Variants in GALNTL6 observed in about 807,000 individuals in gnomAD.
GALNTL6 encodes polypeptide N-acetylgalactosaminyltransferase like 6, also known as polypeptide N-acetylgalactosaminyltransferase-like 6.
Under a neutral mutation model 73.7 loss-of-function variants are expected in GALNTL6, and 46 were observed. The ratio of observed to expected loss-of-function variants is 0.62; its 90% CI spans 0.49 to 0.80. The LOEUF is 0.80. Ranked by LOEUF, GALNTL6 falls within the 30% of genes least tolerant of loss-of-function variation. The pLI is 0.00. For synonymous variants in GALNTL6, 259 were observed against 263.7 expected, an observed-to-expected ratio of 0.98 and a Z score of 0.17; for missense variants, 604 against 755.0, an observed-to-expected ratio of 0.80 and a Z score of 2.34.
At chr4:172,869,145 T>G (rs777779649) in intron 7 of GALNTL6, among the ~76,000 whole-genome samples, 2 of 151,976 alleles carry the variant, frequency 1.3e-5, no homozygotes, top group Non-Finnish European at 2.9e-5. Flanking sequence ...AAAGTGTGGG[T>G]GGATAAGAAA....
chr4:171,814,317 T>C (rs1405546832), intron 1 of GALNTL6, 95 bp from the exon 2 acceptor site: 1 of 533,802 alleles, frequency 1.9e-6, no homozygotes, highest in East Asian at 3.3e-5. Context: ...ATGGGCTTAA[T>C]GATTTCTTTA....
At chr4:172,375,747 A>G (rs574194529) in intron 5 of GALNTL6, among the ~76,000 whole-genome samples, 3 of 152,016 alleles carry the variant, frequency 2.0e-5, no homozygotes, top group Non-Finnish European at 4.4e-5. Flanking sequence ...GAAAACCTGC[A>G]CTCTTGCCTG....
At chr4:172,232,629 T>C (rs1297183638) in intron 3 of GALNTL6, among the ~76,000 whole-genome samples, 3 of 152,152 alleles carry the variant, frequency 2.0e-5, no homozygotes, top group Non-Finnish European at 4.4e-5. Context: ...GATACACCAA[T>C]TTCATTTCAA....
At chr4:172,816,446 T>A (rs1331787432) in intron 7 of GALNTL6, among the ~76,000 whole-genome samples, 1 of 152,196 alleles carries the variant, frequency 6.6e-6, no homozygotes, top group Admixed American at 6.5e-5. Context: ...TTAATTGGAT[T>A]GAATTCAATT....
intron 2 of GALNTL6, among the ~76,000 whole-genome samples, chr4:172,059,470 A>C (rs763329679): frequency 6.6e-6 from 1 of 152,184 alleles, no homozygotes; most frequent in Admixed American, 6.6e-5. Context: ...CTAATTGTCA[A>C]TTTGGAAGAA....
At chr4:172,810,852 C>A (rs1014191753) in intron 6 of GALNTL6, among the ~76,000 whole-genome samples, 4 of 152,050 alleles carry the variant, frequency 2.6e-5, no homozygotes, top group Non-Finnish European at 4.4e-5. Context: ...CAGAATTTGA[C>A]CTATATGGTG....
intron 2 of GALNTL6, among the ~76,000 whole-genome samples, chr4:172,142,268 A>G (rs1733822247): frequency 6.6e-6 from 1 of 152,094 alleles, no homozygotes; most frequent in African/African-American, 2.4e-5. Context: ...ATCTTTGAGT[A>G]CACGTCATGC....
intron 7 of GALNTL6, among the ~76,000 whole-genome samples, chr4:172,822,331 G>A (rs528274091): frequency 6.6e-6 from 1 of 151,952 alleles, no homozygotes; most frequent in African/African-American, 2.4e-5. Flanking sequence ...TGCGACTTCT[G>A]TAAGGGCCAT....
At chr4:172,285,781 G>A (rs925118626) in intron 3 of GALNTL6, among the ~76,000 whole-genome samples, 1 of 152,062 alleles carries the variant, frequency 6.6e-6, no homozygotes, top group Non-Finnish European at 1.5e-5. Flanking sequence ...ATCTGTGATT[G>A]TAGACACTCT....
At chr4:172,463,967 T>C (rs1483224629) in intron 5 of GALNTL6, among the ~76,000 whole-genome samples, 2 of 152,234 alleles carry the variant, frequency 1.3e-5, no homozygotes, top group African/African-American at 2.4e-5. Context: ...GGAACCTGGA[T>C]AAGGATATGG....
intron 7 of GALNTL6, among the ~76,000 whole-genome samples, chr4:172,846,749 A>G (rs1281243442): frequency 1.3e-5 from 2 of 152,188 alleles, no homozygotes; most frequent in Non-Finnish European, 2.9e-5. Flanking sequence ...ACAATAATGT[A>G]TTTGTTGCCA....
At chr4:172,737,574 C>A (rs1425527637) in intron 5 of GALNTL6, among the ~76,000 whole-genome samples, 1 of 152,118 alleles carries the variant, frequency 6.6e-6, no homozygotes, top group Non-Finnish European at 1.5e-5. Context: ...GTTTTGAATT[C>A]TTGATCAGAA....
chr4:172,547,797 A>G (rs1200968413), intron 5 of GALNTL6, among the ~76,000 whole-genome samples: 6 of 152,174 alleles, frequency 3.9e-5, no homozygotes, highest in Non-Finnish European at 8.8e-5. Flanking sequence ...CAGGGAATCT[A>G]TATTTCTGCT....
At chr4:172,482,081 G>A in intron 5 of GALNTL6, among the ~76,000 whole-genome samples, 1 of 152,214 alleles carries the variant, frequency 6.6e-6, no homozygotes. Context: ...CAGTGCTGGG[G>A]GACCCGGCGC....
intron 5 of GALNTL6, among the ~76,000 whole-genome samples, chr4:172,740,298 G>C (rs1429802904): frequency 6.6e-6 from 1 of 152,202 alleles, no homozygotes; most frequent in African/African-American, 2.4e-5. Context: ...TGGCACAGAA[G>C]TCAGGGTAGT....
chr4:172,027,986 G>T (rs1394377061), intron 2 of GALNTL6, among the ~76,000 whole-genome samples: 1 of 152,078 alleles, frequency 6.6e-6, no homozygotes, highest in East Asian at 1.9e-4. Context: ...AGTATAGCGG[G>T]AAGGGCTGAT....
intron 2 of GALNTL6, among the ~76,000 whole-genome samples, chr4:172,104,980 C>A (rs1316880728): frequency 6.6e-6 from 1 of 151,864 alleles, no homozygotes; most frequent in Non-Finnish European, 1.5e-5. Context: ...CATATAGAAA[C>A]AAATTGCCTT....
At chr4:172,997,137 T>A (rs1182547344) in intron 10 of GALNTL6, among the ~76,000 whole-genome samples, 2 of 152,204 alleles carry the variant, frequency 1.3e-5, no homozygotes, top group African/African-American at 4.8e-5. Flanking sequence ...GGATCACTTC[T>A]TTTCTAAACC....
rs1742155371 is a variant in GALNTL6, at chr4:172,044,045, C to T, written c.139-185611C>T. ...AAAGATGAAGATGAAAGTTGAGCTT[C>T]CCACTTAGCTCTTAGGAGTTTGGTT... On this transcript the variant is annotated intron_variant, in intron 2 of 12. Transcript: ENST00000506823. Among the ~76,000 whole-genome samples the T allele has an allele frequency of 2.0e-5, 3 of 151,910 alleles. No individual in the cohort carries two copies. In the South Asian group the frequency reaches 6.2e-4, roughly 32 times the overall value.
Sources: gnomAD v4.1 joint callset for allele counts (sites outside exome capture counted in the v4.1 genomes callset) on GRCh38, gnomAD v4.1.1 for gene constraint, MANE v1.5 for transcripts, NCBI Gene and HGNC (gene_info 2026-07-23, HGNC 2026-07-21) for gene names.